KAZN: variants seen among roughly 807,000 people sequenced by gnomAD.
KAZN encodes kazrin, periplakin interacting protein, also known as kazrin.
Under a neutral mutation model 87.4 loss-of-function variants are expected in KAZN, and 40 were observed. The observed-to-expected ratio is 0.46, with a 90% CI of 0.36 to 0.60. The LOEUF is 0.60. Ranked by LOEUF, KAZN falls within the 20% of genes least tolerant of loss-of-function variation. The probability of loss-of-function intolerance (pLI) is 0.00; values close to 1 mark genes in which losing one functional copy is unlikely to be tolerated. For missense variants in KAZN, 898 were observed against 1,073.9 expected (o/e 0.84, Z 2.29); for synonymous variants, 466 against 458.3 (o/e 1.02, Z -0.22).
intron 1 of KAZN, among the ~76,000 whole-genome samples, chr1:14,955,962 G>A (rs775978422): frequency 5.9e-5 from 9 of 152,172 alleles, no homozygotes; most frequent in Admixed American, 2.0e-4. Context: ...TTTCAGATAC[G>A]TGCTGAATCA....
chr1:14,205,905 A>AAAAAAAAAAAAAAAAC (rs1557559797), intron 2 of KAZN, among the ~76,000 whole-genome samples: 3 of 49,438 alleles, frequency 6.1e-5, no homozygotes, highest in Non-Finnish European at 1.1e-4. Context: ...AAAAAAAAAA[A>AAAAAAAAAAAAAAAAC]AGCTACCTAA....
intron 2 of KAZN, among the ~76,000 whole-genome samples, chr1:14,384,802 C>T (rs1223557797): frequency 6.6e-6 from 1 of 151,818 alleles, no homozygotes; most frequent in Admixed American, 6.6e-5. Context: ...CTCTGCCCGG[C>T]TTTGGTATCA....
chr1:14,236,801 G>A (rs1648469367), intron 2 of KAZN, among the ~76,000 whole-genome samples: 1 of 152,076 alleles, frequency 6.6e-6, no homozygotes, highest in African/African-American at 2.4e-5. Context: ...GTATGCACCT[G>A]TAGTCCCAGC....
intron 2 of KAZN, among the ~76,000 whole-genome samples, chr1:14,468,919 C>G (rs1668304259): frequency 6.6e-6 from 1 of 152,200 alleles, no homozygotes; most frequent in South Asian, 2.1e-4. Flanking sequence ...ACCCAATTTT[C>G]AGTCTTTGGC....
rs558791238 is a variant in KAZN at position 13,903,606 on chromosome 1, T to C, written c.91+9850T>C. 2.2e-3 allele frequency among the ~76,000 whole-genome samples: 331 copies of C among 152,236 alleles called. 16 individuals carry two copies. The South Asian group carries it at 0.067, about 31-fold the overall frequency. ...ACTTCCTGAAACTTGAAGTCTTCTC[T>C]TTGATCTCCCCAAAGCCATTACCAG... On this transcript the variant is annotated intron_variant, in intron 1 of 16. Coordinates refer to the KAZN transcript ENST00000636203.
At chr1:14,585,054 G>A (rs1455418217) in intron 2 of KAZN, among the ~76,000 whole-genome samples, 1 of 152,194 alleles carries the variant, frequency 6.6e-6, no homozygotes, top group Non-Finnish European at 1.5e-5. Context: ...ACACAGACAT[G>A]CACAAAGGAA....
chr1:14,568,106 T>C (rs548537762), intron 2 of KAZN, among the ~76,000 whole-genome samples: 2 of 152,326 alleles, frequency 1.3e-5, no homozygotes, highest in East Asian at 1.9e-4. Context: ...GGGCCTGACC[T>C]CATCAGGTGA....
chr1:15,009,039 T>A (rs968173722), intron 2 of KAZN, among the ~76,000 whole-genome samples: 1 of 152,200 alleles, frequency 6.6e-6, no homozygotes, highest in African/African-American at 2.4e-5. Flanking sequence ...GTTGGCAGTT[T>A]TGCACACGAG....
At chr1:15,011,904 A>C (rs1669606421) in intron 2 of KAZN, among the ~76,000 whole-genome samples, 1 of 152,072 alleles carries the variant, frequency 6.6e-6, no homozygotes, top group Admixed American at 6.6e-5. Flanking sequence ...GCCAGTCCAG[A>C]GCCTCCAAGC....
At chr1:14,549,713 A>G (rs1488254400) in intron 2 of KAZN, among the ~76,000 whole-genome samples, 1 of 132,706 alleles carries the variant, frequency 7.5e-6, no homozygotes, top group Non-Finnish European at 1.6e-5. Context: ...ATGATTTGCA[A>G]CTCTTCCAGA....
chr1:14,558,393 T>C (rs1674045349), intron 2 of KAZN, among the ~76,000 whole-genome samples: 2 of 152,192 alleles, frequency 1.3e-5, no homozygotes, highest in South Asian at 4.1e-4. Flanking sequence ...TCTTTTTTCT[T>C]TTTACTGCTT....
At chr1:14,277,778 G>T (rs1193434633) in intron 2 of KAZN, among the ~76,000 whole-genome samples, 1 of 151,826 alleles carries the variant, frequency 6.6e-6, no homozygotes, top group South Asian at 2.1e-4. Context: ...CCTCACACCC[G>T]TGGCTCCCTC....
chr1:14,075,811 C>T (rs1333450507), intron 1 of KAZN, among the ~76,000 whole-genome samples: 1 of 152,092 alleles, frequency 6.6e-6, no homozygotes, highest in Non-Finnish European at 1.5e-5. Flanking sequence ...GCATCCTTGG[C>T]CTCTGCCCAC....
intron 2 of KAZN, among the ~76,000 whole-genome samples, chr1:14,535,558 C>T (rs567952114): frequency 6.6e-6 from 1 of 151,760 alleles, no homozygotes; most frequent in Non-Finnish European, 1.5e-5. Context: ...CCCAGCTCCT[C>T]GGGAGGCTGA....
intron 2 of KAZN, among the ~76,000 whole-genome samples, chr1:14,348,401 A>G (rs1266768067): frequency 2.0e-5 from 3 of 152,172 alleles, no homozygotes; most frequent in East Asian, 3.9e-4. Flanking sequence ...TAAAACATGC[A>G]CATAGCTCAC....
chr1:14,883,149 G>T (rs1280650758), intron 1 of KAZN, among the ~76,000 whole-genome samples: 2 of 151,660 alleles, frequency 1.3e-5, no homozygotes, highest in East Asian at 2.0e-4. Context: ...TACAAAATTA[G>T]CTGGGCGTGA....
intron 1 of KAZN, among the ~76,000 whole-genome samples, chr1:14,775,587 G>A (rs2100615622): frequency 6.6e-6 from 1 of 152,384 alleles, no homozygotes; most frequent in South Asian, 2.1e-4. Flanking sequence ...CAGAAGCTGA[G>A]AGGAAGGTGG....
chr1:14,700,470 T>TAA (rs35974230), intron 1 of KAZN, among the ~76,000 whole-genome samples: 25 of 144,452 alleles, frequency 1.7e-4, no homozygotes, highest in Admixed American at 6.9e-4. Context: ...GACTCTGTCT[T>TAA]AAAAAAAAAA....
intron 1 of KAZN, chr1:14,929,801 G>A (rs1391866494): frequency 1.4e-5 from 14 of 985,340 alleles, no homozygotes; most frequent in Non-Finnish European, 1.7e-5. Flanking sequence ...GCCTTTCAAG[G>A]GAGAGGGAAG....
Sources: allele counts gnomAD v4.1 joint callset (sites outside exome capture counted in the v4.1 genomes callset), GRCh38; gene constraint gnomAD v4.1.1; transcripts MANE v1.5; gene names NCBI Gene and HGNC (gene_info 2026-07-23, HGNC 2026-07-21).